NLGN1: variants seen among roughly 807,000 people sequenced by gnomAD.
NLGN1 encodes neuroligin-1.
In NLGN1, 12 loss-of-function variants were observed where a neutral mutation model predicts 65.5. That is an observed-to-expected ratio of 0.18 (90% confidence interval 0.12 to 0.30). The LOEUF (loss-of-function observed/expected upper bound fraction) is 0.30, where lower values mean the gene tolerates loss of function less well. Among genes scored for constraint, NLGN1 ranks in the 10% least tolerant of loss-of-function variants. The pLI, the probability that NLGN1 is intolerant of heterozygous loss-of-function variation, is 1.00. For synonymous variants in NLGN1, 350 were observed against 359.5 expected, an observed-to-expected ratio of 0.97 and a Z score of 0.30; for missense variants, 750 against 1,007.1, an observed-to-expected ratio of 0.74 and a Z score of 3.46.
At chr3:173,728,877 T>C (rs991096877) in intron 3 of NLGN1, among the ~76,000 whole-genome samples, 1 of 152,116 alleles carries the variant, frequency 6.6e-6, no homozygotes, top group Non-Finnish European at 1.5e-5. Flanking sequence ...CATCCAGAAC[T>C]GTGAGAGGAT....
intron 2 of NLGN1, among the ~76,000 whole-genome samples, chr3:173,497,539 G>T (rs73043538): frequency 0.032 from 4,799 of 151,596 alleles, 352 homozygotes; most frequent in African/African-American, 0.11. Context: ...ATATACACAT[G>T]TATCTATTTC....
At chr3:173,503,190 C>A (rs1002352065) in intron 2 of NLGN1, among the ~76,000 whole-genome samples, 5 of 151,870 alleles carry the variant, frequency 3.3e-5, no homozygotes, top group African/African-American at 4.8e-5. Flanking sequence ...GTTCCATATC[C>A]AATTACTGGA....
At position 174,168,407 on chromosome 3, in the gene NLGN1, T is replaced by G. The variant is rs114823927; in HGVS notation, c.647-106908T>G. 4.1e-3 allele frequency among the ~76,000 whole-genome samples: 628 copies of G among 152,286 alleles called. 4 individuals are homozygous for G. The highest frequency in any genetic ancestry group is 0.014 in the African/African-American group (601 of 41,548). On this transcript the variant is annotated intron_variant, in intron 4 of 6. Transcript: ENST00000457714. ...TCTTCTTCTTCTATAATATTGTTTT[T>G]TAATTATTATTTTTCTTTCTCTTTC...
At chr3:174,049,734 C>T (rs564925122) in intron 4 of NLGN1, among the ~76,000 whole-genome samples, 2 of 152,128 alleles carry the variant, frequency 1.3e-5, no homozygotes, top group South Asian at 2.1e-4. Flanking sequence ...GAACTGGACA[C>T]TATGTAAATA....
intron 2 of NLGN1, among the ~76,000 whole-genome samples, chr3:173,576,811 GTAT>G (rs1745570235): frequency 6.6e-6 from 1 of 152,038 alleles, no homozygotes; most frequent in Non-Finnish European, 1.5e-5. Context: ...GTGGTGGAGG[GTAT>G]TATTCCAATT....
Position 173,828,133 on chromosome 3 carries a change from G to T in NLGN1, c.646+20301G>T, listed in dbSNP as rs187678392. 2.6e-5 allele frequency among the ~76,000 whole-genome samples: 4 copies of T among 152,116 alleles called. No individual in the cohort carries two copies. The East Asian group carries it at 5.8e-4, about 22-fold the overall frequency. On this transcript the variant is annotated intron_variant, in intron 4 of 6. Transcript: ENST00000457714. ...GGATATTTTATAATTTTCATAATTT[G>T]GGGTTTGCTAAAATTATTTATTTTA...
chr3:174,072,925 T>G (rs772897432), intron 4 of NLGN1, among the ~76,000 whole-genome samples: 4 of 152,134 alleles, frequency 2.6e-5, no homozygotes, highest in Non-Finnish European at 4.4e-5. Context: ...CAGTAAGATA[T>G]ATTGCCACTC....
chr3:174,238,572 C>T (rs1044893335), intron 4 of NLGN1, among the ~76,000 whole-genome samples: 14 of 152,018 alleles, frequency 9.2e-5, no homozygotes, highest in Non-Finnish European at 1.9e-4. Flanking sequence ...CACGTTGGCC[C>T]GGATGGTCTC....
chr3:174,214,310 A>G (rs1413633517), intron 4 of NLGN1, among the ~76,000 whole-genome samples: 3 of 152,172 alleles, frequency 2.0e-5, no homozygotes, highest in African/African-American at 7.2e-5. Context: ...TGAATTATGC[A>G]GTCATTTTCC....
chr3:173,698,727 T>G (rs1173602385), intron 3 of NLGN1, among the ~76,000 whole-genome samples: 1 of 152,224 alleles, frequency 6.6e-6, no homozygotes, highest in African/African-American at 2.4e-5. Flanking sequence ...GAATAAATGA[T>G]TAATTTCAAA....
At chr3:173,761,315 A>G (rs1439587208) in intron 3 of NLGN1, among the ~76,000 whole-genome samples, 1 of 152,038 alleles carries the variant, frequency 6.6e-6, no homozygotes, top group Non-Finnish European at 1.5e-5. Flanking sequence ...CTTCTATTAA[A>G]GAAAGAAGCT....
intron 2 of NLGN1, among the ~76,000 whole-genome samples, chr3:173,588,263 C>T (rs1043122060): frequency 6.6e-6 from 1 of 152,090 alleles, no homozygotes; most frequent in Non-Finnish European, 1.5e-5. Context: ...TGTGGGATAG[C>T]AACATTCTGT....
At chr3:173,484,032 C>T (rs9845335) in intron 2 of NLGN1, among the ~76,000 whole-genome samples, 1,877 of 152,128 alleles carry the variant, frequency 0.012, 35 homozygotes, top group African/African-American at 0.044. Context: ...AACATCTTGT[C>T]GTAGATGTTT....
At chr3:173,929,851 T>C (rs1303129718) in intron 4 of NLGN1, among the ~76,000 whole-genome samples, 2 of 152,128 alleles carry the variant, frequency 1.3e-5, no homozygotes, top group South Asian at 2.1e-4. Context: ...ATTATGGGCA[T>C]GTGCCACCAC....
intron 1 of NLGN1, among the ~76,000 whole-genome samples, chr3:173,412,816 G>C (rs1185662560): frequency 6.6e-6 from 1 of 152,174 alleles, no homozygotes; most frequent in Admixed American, 6.5e-5. Flanking sequence ...CACAAGAAGG[G>C]ATTCTATGAA....
intron 4 of NLGN1, among the ~76,000 whole-genome samples, chr3:173,907,555 A>G (rs989859723): frequency 7.4e-5 from 11 of 147,904 alleles, no homozygotes; most frequent in Non-Finnish European, 1.6e-4. Flanking sequence ...GAGAAGGCGT[A>G]TCTTAGATGG....
chr3:173,539,703 T>TATATAACATACATATATGTACATATGCAC (rs1738308777), intron 2 of NLGN1, among the ~76,000 whole-genome samples: 1 of 136,868 alleles, frequency 7.3e-6, no homozygotes, highest in Non-Finnish European at 1.6e-5. Flanking sequence ...CATATGCACA[T>TATATAACATACATATATGTACATATGCAC]ATATACATAT....
chr3:174,062,110 G>C (rs1346622523), intron 4 of NLGN1, among the ~76,000 whole-genome samples: 1 of 151,960 alleles, frequency 6.6e-6, no homozygotes, highest in Non-Finnish European at 1.5e-5. Context: ...TTAAGATATG[G>C]CTTATAAAAT....
chr3:174,256,397 A>G (rs1745769804), intron 4 of NLGN1, among the ~76,000 whole-genome samples: 1 of 152,182 alleles, frequency 6.6e-6, no homozygotes, highest in South Asian at 2.1e-4. Context: ...TGCCCTGCTC[A>G]TTATCTTTAT....
Sources: allele counts gnomAD v4.1 joint callset (sites outside exome capture counted in the v4.1 genomes callset), GRCh38; gene constraint gnomAD v4.1.1; transcripts MANE v1.5; gene names NCBI Gene and HGNC (gene_info 2026-07-23, HGNC 2026-07-21).